BABAM2: variants seen among roughly 807,000 people sequenced by gnomAD.
The protein encoded by BABAM2 is BRISC and BRCA1-A complex member 2.
In BABAM2, 31 loss-of-function variants were observed where a neutral mutation model predicts 54.7. The ratio of observed to expected loss-of-function variants is 0.57; its 90% CI spans 0.43 to 0.77. BABAM2 has a LOEUF of 0.77. Among genes scored for constraint, BABAM2 ranks in the 30% least tolerant of loss-of-function variants. The pLI is 0.00. For synonymous variants in BABAM2, 167 were observed against 162.9 expected (o/e 1.03, Z -0.19); for missense variants, 364 against 455.8 (o/e 0.80, Z 1.83).
At chr2:27,962,392 T>C (rs1041149942) in intron 3 of BABAM2, among the ~76,000 whole-genome samples, 1 of 152,174 alleles carries the variant, frequency 6.6e-6, no homozygotes, top group Non-Finnish European at 1.5e-5. Context: ...TGAGCCACTG[T>C]GCCTGGTGGT....
chr2:28,131,758 G>A (rs1670097310), intron 7 of BABAM2, among the ~76,000 whole-genome samples: 1 of 152,148 alleles, frequency 6.6e-6, no homozygotes. Flanking sequence ...GGCAGAAAAG[G>A]AGAGGATGGG....
At chr2:27,945,590 C>T (rs1317495862) in intron 3 of BABAM2, among the ~76,000 whole-genome samples, 2 of 152,152 alleles carry the variant, frequency 1.3e-5, no homozygotes, top group African/African-American at 4.8e-5. Context: ...AGAAATCCTG[C>T]TGGGAATCTG....
intron 3 of BABAM2, among the ~76,000 whole-genome samples, chr2:27,980,073 A>C (rs1002691914): frequency 6.6e-6 from 1 of 152,172 alleles, no homozygotes; most frequent in African/African-American, 2.4e-5. Flanking sequence ...TTCTGCCCCC[A>C]TTGCTCCCAC....
intron 11 of BABAM2, among the ~76,000 whole-genome samples, chr2:28,319,732 G>C (rs2148304565): frequency 6.6e-6 from 1 of 152,364 alleles, no homozygotes; most frequent in South Asian, 2.1e-4. Context: ...CCCTGCCCTA[G>C]GCCAGGTGCT....
At chr2:28,277,215 C>T (rs1353372144) in intron 10 of BABAM2, among the ~76,000 whole-genome samples, 1 of 152,192 alleles carries the variant, frequency 6.6e-6, no homozygotes, top group African/African-American at 2.4e-5. Context: ...AAGCGATTCT[C>T]CTGCCTCAGC....
Position 28,129,326 on chromosome 2 carries a change from A to T in BABAM2, c.626A>T (p.Asp209Val). The change falls in exon 7 of 12, where the codon GAC becomes GTC. Residue 209 changes from aspartate to valine, a missense_variant. Coordinates refer to ENST00000379624, the MANE Select transcript of BABAM2 (RefSeq NM_199191.3). ...DVALLSVSFEDTEATQVYPKL... is the reference protein window; with the variant it reads ...DVALLSVSFEVTEATQVYPKL... ...GCCCTCCTCTCTGTTAGTTTTGAGG[A>T]CACTGAAGCCACCCAGGTGTACCCC... 3 of 1,614,158 alleles carry T rather than the reference A, an allele frequency of 1.9e-6. No homozygotes were observed. Among genetic ancestry groups the T allele is most frequent in the Non-Finnish European group, 2.5e-6 (3 of 1,180,008 alleles).
At chr2:28,040,162 T>G (rs72812587) in intron 5 of BABAM2, among the ~76,000 whole-genome samples, 4,324 of 152,258 alleles carry the variant, frequency 0.028, 101 homozygotes, top group South Asian at 0.1. Flanking sequence ...TCACTTGTTT[T>G]GCTCTTCATT....
At chr2:28,321,732 CT>C (rs1390021727) in intron 11 of BABAM2, among the ~76,000 whole-genome samples, 2 of 152,072 alleles carry the variant, frequency 1.3e-5, no homozygotes, top group Non-Finnish European at 2.9e-5. Context: ...AGAAATCACT[CT>C]AGGGAGTGTT....
intron 3 of BABAM2, among the ~76,000 whole-genome samples, chr2:27,940,329 T>C (rs1668780819): frequency 6.6e-6 from 1 of 152,234 alleles, no homozygotes; most frequent in Non-Finnish European, 1.5e-5. Flanking sequence ...TAGAAGAAAT[T>C]ATTCCATTTG....
At chr2:27,893,846 T>A (rs759046018) in intron 1 of BABAM2, among the ~76,000 whole-genome samples, 10 of 152,014 alleles carry the variant, frequency 6.6e-5, no homozygotes, top group East Asian at 1.9e-4. Flanking sequence ...ATACAAAAAT[T>A]AGCTGGGCGT....
At chr2:28,198,104 C>G (rs1056606736) in intron 7 of BABAM2, among the ~76,000 whole-genome samples, 3 of 151,848 alleles carry the variant, frequency 2.0e-5, no homozygotes. Flanking sequence ...CTTATGTTGA[C>G]TTGGTTTGGG....
intron 5 of BABAM2, among the ~76,000 whole-genome samples, chr2:28,026,874 T>TATATATATAGA (rs1491247257): frequency 2.1e-5 from 1 of 47,538 alleles, no homozygotes; most frequent in African/African-American, 9.6e-5. Flanking sequence ...ATATATATAT[T>TATATATATAGA]TATATATATA....
chr2:28,081,559 A>G (rs1248896780), intron 6 of BABAM2, among the ~76,000 whole-genome samples: 1 of 152,206 alleles, frequency 6.6e-6, no homozygotes, highest in African/African-American at 2.4e-5. Context: ...GAAAACACTA[A>G]AAGTGGTTAT....
chr2:28,068,917 T>A (rs541542541), intron 6 of BABAM2, among the ~76,000 whole-genome samples: 32 of 152,298 alleles, frequency 2.1e-4, no homozygotes, highest in African/African-American at 7.7e-4. Context: ...TTTCAAAGGG[T>A]GTTTTAATGG....
intron 5 of BABAM2, among the ~76,000 whole-genome samples, chr2:28,039,999 T>G (rs1198648360): frequency 6.6e-6 from 1 of 152,004 alleles, no homozygotes; most frequent in African/African-American, 2.4e-5. Flanking sequence ...CTTGGCGGCA[T>G]CTAAATGTCT....
intron 7 of BABAM2, among the ~76,000 whole-genome samples, chr2:28,151,965 G>C (rs1672093002): frequency 6.6e-6 from 1 of 152,128 alleles, no homozygotes. Flanking sequence ...GTGACAACTG[G>C]ATTATTTACA....
intron 3 of BABAM2, among the ~76,000 whole-genome samples, chr2:27,944,697 G>A (rs1005188526): frequency 6.6e-6 from 1 of 151,688 alleles, no homozygotes; most frequent in African/African-American, 2.4e-5. Context: ...ATTTTTGTAC[G>A]TGTCTTTTTC....
intron 7 of BABAM2, among the ~76,000 whole-genome samples, chr2:28,192,224 C>CG (rs1382751490): frequency 6.6e-6 from 1 of 151,772 alleles, no homozygotes; most frequent in Non-Finnish European, 1.5e-5. Flanking sequence ...TTAGTAGAGA[C>CG]GGGGTTTCAC....
chr2:27,979,964 G>A (rs188306228), intron 3 of BABAM2, among the ~76,000 whole-genome samples: 36 of 152,226 alleles, frequency 2.4e-4, no homozygotes, highest in African/African-American at 7.9e-4. Context: ...TAAGGCACAA[G>A]CGTGTAAATA....
Sources: gnomAD v4.1 joint callset for allele counts (sites outside exome capture counted in the v4.1 genomes callset) on GRCh38, gnomAD v4.1.1 for gene constraint, MANE v1.5 for transcripts, NCBI Gene and HGNC (gene_info 2026-07-23, HGNC 2026-07-21) for gene names.